The following FBRS variants were observed in gnomAD, a reference collection of about 807,000 sequenced individuals.
FBRS encodes the protein fibrosin, also known as probable fibrosin-1.
FBRS carries 15 observed loss-of-function variants against 86.1 expected under a neutral mutation model. The observed-to-expected ratio is 0.17, with a 90% CI of 0.12 to 0.27. FBRS has a LOEUF of 0.27. FBRS is among the 10% of genes least tolerant of loss of function. FBRS has a pLI of 1.00. For synonymous variants in FBRS, 666 were observed against 575.8 expected (o/e 1.16, Z -2.24); for missense variants, 1,367 against 1,301.6 (o/e 1.05, Z -0.77).
intron 1 of FBRS, 98 bp downstream of exon 1, chr16:30,660,075 C>T: frequency 6.8e-7 from 1 of 1,460,542 alleles, no homozygotes; most frequent in Non-Finnish European, 9.1e-7. Flanking sequence ...GGAATGCTGG[C>T]ACCCCAAACC....
Position 30,670,008 on chromosome 16 carries a change from C to A in FBRS, c.*363C>A. Reference sequence around the variant, plus strand: ...TAAGCCAGAGGCCAAAGTGCCCCCTCCCGTTCACCTACCACCCAAGTCCTC... The same window carrying A: ...TAAGCCAGAGGCCAAAGTGCCCCCTACCGTTCACCTACCACCCAAGTCCTC... On this transcript the variant is annotated 3_prime_UTR_variant, in exon 18 of 18. Transcript: ENST00000356166. 1 of 514,566 alleles carries A rather than the reference C, an allele frequency of 1.9e-6. No homozygotes were observed. Among genetic ancestry groups the A allele is most frequent in the South Asian group, 1.6e-5 (1 of 61,980 alleles). The allele number at this position is 514,566 out of a possible 1,614,324, so 31.9% of individuals were successfully genotyped here. A position where few individuals can be genotyped will look rare whatever the true frequency, so the allele number is the denominator to read the frequency against.
intron 2 of FBRS, 198 bp downstream of exon 2, chr16:30,660,640 T>A: frequency 1.1e-6 from 1 of 883,040 alleles, no homozygotes; most frequent in Non-Finnish European, 1.5e-6. Context: ...TTTGCCTGGT[T>A]CTGTGTCTAC....
In FBRS at chr16:30,662,426, G is replaced by A. The variant is rs912084954; in HGVS notation, c.712G>A (p.Asp238Asn). The A allele has an allele frequency of 1.5e-5, 24 of 1,550,604 alleles. No individual in the cohort carries two copies. The East Asian group carries it at 2.7e-4, about 17-fold the overall frequency. ...CCTTGCCCTTCTTCCCCAGGTCTCC[G>A]ATGATGACCTCGACCCATCCTTTAC... ...AESDLDERVS[D>N]DDLDPSFTVS... The change falls in exon 5 of 18, where the codon GAT becomes AAT. Residue 238 changes from aspartate to asparagine, a missense_variant. By Grantham distance (23) the Asp-to-Asn change is conservative. Transcript: ENST00000356166.
In FBRS at chr16:30,660,061, G is replaced by C. The variant is rs1182310069; in HGVS notation, c.459+84G>C. On this transcript the variant is annotated intron_variant, in intron 1 of 17. Transcript: ENST00000356166. ...CAGTGCCCCTAGTGGGTGGAGTTGA[G>C]GGGGGAATGCTGGCACCCCAAACCA... The C allele has an allele frequency of 3.4e-6, 5 of 1,484,322 alleles. No homozygotes were observed. The Admixed American group carries it at 7.2e-5, about 21-fold the overall frequency. 91.9% of individuals were successfully genotyped at this position (1,484,322 alleles called of 1,614,324 possible). A position where few individuals can be genotyped will look rare whatever the true frequency, so the allele number is the denominator to read the frequency against.
chr16:30,663,696 C>T (rs746879607), intron 6 of FBRS, among the ~76,000 whole-genome samples: 7 of 152,114 alleles, frequency 4.6e-5, no homozygotes, highest in Non-Finnish European at 1.0e-4. Context: ...GAACTATTGA[C>T]ACTTACTATT....
chr16:30,665,867 C>T lies in FBRS; in HGVS notation c.1773+161C>T. On this transcript the variant is annotated intron_variant, in intron 11 of 17. Transcript: ENST00000356166. This position sits in a 1 kb window ranked among gnomAD's most constrained non-coding sequence, Gnocchi z 4.1. Reference sequence around the variant, plus strand: ...GAATTTCTGTAAATAGCTGGCTTTCCCAGGCATGAGGAATGAGAGTTTCAT... The same window carrying T: ...GAATTTCTGTAAATAGCTGGCTTTCTCAGGCATGAGGAATGAGAGTTTCAT... 2 of 631,740 alleles carry T rather than the reference C, an allele frequency of 3.2e-6. No individual in the cohort carries two copies. The highest frequency in any genetic ancestry group is 2.1e-5 in the South Asian group (1 of 48,570). The allele number at this position is 631,740 out of a possible 1,614,324, so 39.1% of individuals were successfully genotyped here.
chr16:30,663,035 C>T, intron 6 of FBRS, 176 bp downstream of exon 6: 1 of 1,159,772 alleles, frequency 8.6e-7, no homozygotes, highest in Non-Finnish European at 1.1e-6. Flanking sequence ...TACACATTCC[C>T]ATGCAGGGGA....
At position 30,661,347 on chromosome 16, in the gene FBRS, G is replaced by T; in HGVS notation, c.705+14G>T. The T allele has an allele frequency of 6.4e-7, 1 of 1,550,758 alleles. No individual in the cohort carries two copies. Among genetic ancestry groups the T allele is most frequent in the African/African-American group, 1.4e-5 (1 of 73,142 alleles). On this transcript the variant is annotated intron_variant, in intron 4 of 17. Coordinates refer to ENST00000356166, the MANE Select transcript of FBRS (RefSeq NM_001105079.3). ...CTGGACGAGAGGGTGAGTGGGGCTAGAGCTTGGGTGGGCAGTGTCACTGCT... is the reference window on the plus strand; with the variant it reads ...CTGGACGAGAGGGTGAGTGGGGCTATAGCTTGGGTGGGCAGTGTCACTGCT...
At chr16:30,661,237 T>G (rs535569252) in intron 3 of FBRS, 22 bp downstream of exon 3, 3 of 1,550,768 alleles carry the variant, frequency 1.9e-6, no homozygotes, top group Non-Finnish European at 2.6e-6. Flanking sequence ...CCACCTGTCC[T>G]GGCCCCTCCC....
intron 5 of FBRS, 35 bp from the exon 6 acceptor site, chr16:30,662,524 C>T: frequency 7.7e-6 from 12 of 1,550,050 alleles, no homozygotes; most frequent in Non-Finnish European, 1.0e-5. Flanking sequence ...TGAGCATGAG[C>T]CTCAACTGAG....
At position 30,667,397 on chromosome 16, in the gene FBRS, G is replaced by C. The variant is rs1020260028; in HGVS notation, c.1953G>C (p.Gly651=). 2 of 1,551,504 alleles carry C rather than the reference G, an allele frequency of 1.3e-6. No individual in the cohort carries two copies. The highest frequency in any genetic ancestry group is 1.4e-5 in the African/African-American group (1 of 73,184). ...GGCCCTATGGGGCCCTGCCCCCTGG[G>C]CAGGAGCTCTCCCACCCGGCCTCCC... ...LPGPYGALPP[G]QELSHPASLF... Residue 651 remains glycine, a synonymous_variant, in exon 14 of 18, where the codon GGG becomes GGC. Transcript: ENST00000356166.
chr16:30,660,150 C>G (rs774162453), intron 1 of FBRS, 113 bp from the exon 2 acceptor site: 55 of 1,413,252 alleles, frequency 3.9e-5, no homozygotes, highest in Non-Finnish European at 5.0e-5. Flanking sequence ...TAGAGCTCGT[C>G]TCTGGGGACC....
Position 30,667,610 on chromosome 16 carries a change from A to G in FBRS, c.2062A>G (p.Ser688Gly). 6.5e-7 allele frequency: 1 copy of G among 1,531,592 alleles called. No homozygotes were observed. The highest frequency in any genetic ancestry group is 8.8e-7 in the Non-Finnish European group (1 of 1,138,200). 94.9% of individuals were successfully genotyped at this position (1,531,592 alleles called of 1,614,324 possible). A position where few individuals can be genotyped will look rare whatever the true frequency, so the allele number is the denominator to read the frequency against. The change falls in exon 15 of 18, where the codon AGC (serine) becomes GGC (glycine). Residue 688 changes from serine to glycine, a missense_variant. Coordinates refer to ENST00000356166, the MANE Select transcript of FBRS (RefSeq NM_001105079.3). ...PGAHGPFLSP[S>G]THIDPFGRPT... ...GGCCCACGGACCCTTCCTGAGCCCC[A>G]GCACCCACATTGGTAAGAGCCAAGG...
Position 30,662,805 on chromosome 16 carries a change from C to T in FBRS, c.1001C>T (p.Pro334Leu), listed in dbSNP as rs1192282654. The change falls in exon 6 of 18, where the codon CCC becomes CTC. Residue 334 changes from proline to leucine, a missense_variant. Physicochemically the swap from Pro to Leu is moderately conservative, Grantham distance 98. Transcript: ENST00000356166. Reference sequence around the variant, plus strand: ...CCCCAGCTGCAGCTTCGGGTCTCACCCTTCGGCCTCCGCACTTCTCCATAT... The same window carrying T: ...CCCCAGCTGCAGCTTCGGGTCTCACTCTTCGGCCTCCGCACTTCTCCATAT... ...PQPQLQLRVS[P>L]FGLRTSPYGS... 2 of 1,482,750 alleles carry T rather than the reference C, an allele frequency of 1.3e-6. No individual in the cohort carries two copies. Among genetic ancestry groups the T allele is most frequent in the Non-Finnish European group, 1.8e-6 (2 of 1,111,432 alleles). The allele number at this position is 1,482,750 out of a possible 1,614,324, so 91.8% of individuals were successfully genotyped here.
Position 30,668,901 on chromosome 16 carries a change from C to T in FBRS, c.2288C>T (p.Ala763Val). 6.3e-7 allele frequency: 1 copy of T among 1,586,372 alleles called. No individual in the cohort carries two copies. The highest frequency in any genetic ancestry group is 8.5e-7 in the Non-Finnish European group (1 of 1,169,866). ...TFPAWVRPPEAARTPGSDKER... is the reference protein window; with the variant it reads ...TFPAWVRPPEVARTPGSDKER... ...CCTGCCTGGGTCCGGCCCCCTGAGG[C>T]CGCCCGGACTCCAGGCTCAGACAAG... The change falls in exon 17 of 18, where the codon GCC (alanine) becomes GTC (valine). Residue 763 changes from alanine (A) to valine (V), a missense_variant. Ala to Val is a moderately conservative substitution (Grantham distance 64). Around this residue, in one of 3 missense-constraint regions of FBRS, gnomAD observed 659 missense variants for 678.8 expected, o/e 0.97. Transcript: ENST00000356166.
chr16:30,659,155 T>TG lies in FBRS; in HGVS notation c.-363dup, dbSNP rs952459228. On this transcript the variant is annotated 5_prime_UTR_variant, in exon 1 of 18. Coordinates refer to ENST00000356166, the MANE Select transcript of FBRS (RefSeq NM_001105079.3). ...GCCCTTCCTCTTCCTCGGGGAGACT[T>TG]GCATCGACCCCTGGCAGGGGGTGGC... 3 of 152,698 alleles carry TG rather than the reference T, an allele frequency of 2.0e-5. No homozygotes were observed. The highest frequency in any genetic ancestry group is 1.9e-4 in the East Asian group (1 of 5,214). The allele number at this position is 152,698 out of a possible 1,614,324, so 9.5% of individuals were successfully genotyped here.
Position 30,665,794 on chromosome 16 carries a change from C to A in FBRS, c.1773+88C>A. 1.6e-6 allele frequency: 2 copies of A among 1,288,710 alleles called. No homozygotes were observed. Among genetic ancestry groups the A allele is most frequent in the Non-Finnish European group, 1.1e-6 (1 of 918,078 alleles). 79.8% of individuals were successfully genotyped at this position (1,288,710 alleles called of 1,614,324 possible). On this transcript the variant is annotated intron_variant, in intron 11 of 17. Coordinates refer to ENST00000356166, the MANE Select transcript of FBRS (RefSeq NM_001105079.3). The surrounding 1 kb of genome is among the most constrained non-coding windows in gnomAD (Gnocchi z 4.1). ...ACTTGAGGAGAGTGAACTGCTGATT[C>A]CTCCCTTGAATTCACAATCGGGTGT...
chr16:30,662,955 G>A, intron 6 of FBRS, 96 bp downstream of exon 6: 1 of 1,323,838 alleles, frequency 7.6e-7, no homozygotes, highest in Non-Finnish European at 9.7e-7. Context: ...ACTTGAAAAA[G>A]GATTCTGAGA....
At position 30,665,841 on chromosome 16, in the gene FBRS, G is replaced by A; in HGVS notation, c.1773+135G>A. On this transcript the variant is annotated intron_variant, in intron 11 of 17. Coordinates refer to ENST00000356166, the MANE Select transcript of FBRS (RefSeq NM_001105079.3). This position sits in a 1 kb window ranked among gnomAD's most constrained non-coding sequence, Gnocchi z 4.1. Reference sequence around the variant, plus strand: ...GTGTTCCTGGGTGTCTAATAGAGAGGGAATTTCTGTAAATAGCTGGCTTTC... The same window carrying A: ...GTGTTCCTGGGTGTCTAATAGAGAGAGAATTTCTGTAAATAGCTGGCTTTC... 6.4e-6 allele frequency: 5 copies of A among 786,042 alleles called. No individual in the cohort carries two copies. The highest frequency in any genetic ancestry group is 9.9e-6 in the Non-Finnish European group (5 of 502,850). 48.7% of individuals were successfully genotyped at this position (786,042 alleles called of 1,614,324 possible).
Sources: gnomAD v4.1 joint callset for allele counts (sites outside exome capture counted in the v4.1 genomes callset) on GRCh38, gnomAD v4.1.1 for gene constraint, gnomAD v4.1.1 regional missense constraint, Gnocchi (gnomAD v3.1) non-coding constraint, MANE v1.5 for transcripts, NCBI Gene and HGNC (gene_info 2026-07-23, HGNC 2026-07-21) for gene names.